Variants in HIPK2 observed in about 807,000 individuals in gnomAD.
The protein encoded by HIPK2 is homeodomain interacting protein kinase 2, also known as homeodomain-interacting protein kinase 2.
A neutral mutation model predicts 113.7 loss-of-function variants in HIPK2; 27 were observed. The observed-to-expected ratio is 0.24, with a 90% confidence interval of 0.17 to 0.33. The LOEUF is 0.33. HIPK2 is among the 10% of genes least tolerant of loss of function. HIPK2 has a pLI of 1.00. For missense variants in HIPK2, 1,257 were observed against 1,588.0 expected, an observed-to-expected ratio of 0.79 and a Z score of 3.54; for synonymous variants, 631 against 642.2, an observed-to-expected ratio of 0.98 and a Z score of 0.26.
chr7:139,700,374 T>C (rs1794674223), intron 2 of HIPK2, among the ~76,000 whole-genome samples: 1 of 152,136 alleles, frequency 6.6e-6, no homozygotes. Flanking sequence ...CCCTACGTGA[T>C]GGGGACAATA....
chr7:139,670,580 TG>T (rs1422099816), intron 2 of HIPK2, among the ~76,000 whole-genome samples: 1 of 147,306 alleles, frequency 6.8e-6, no homozygotes, highest in Non-Finnish European at 1.5e-5. Context: ...GACCCTGTCT[TG>T]AAAAAAAAAA....
intron 7 of HIPK2, among the ~76,000 whole-genome samples, chr7:139,616,914 G>T (rs890724375): frequency 6.6e-6 from 1 of 152,174 alleles, no homozygotes. Flanking sequence ...CTTACAGCCT[G>T]TCTCACCATG....
intron 1 of HIPK2, among the ~76,000 whole-genome samples, chr7:139,735,734 A>T (rs939867598): frequency 6.6e-6 from 1 of 152,216 alleles, no homozygotes; most frequent in African/African-American, 2.4e-5. Context: ...TTTACACACG[A>T]GAGTGCACCC....
At position 139,637,949 on chromosome 7, in the gene HIPK2, C is replaced by T. The variant is rs540916441; in HGVS notation, c.1104-6224G>A. 4.9e-4 allele frequency among the ~76,000 whole-genome samples: 75 copies of T among 152,190 alleles called. 1 individual carries two copies. The highest frequency in any genetic ancestry group is 1.5e-3 in the African/African-American group (62 of 41,518). On this transcript the variant is annotated intron_variant, in intron 2 of 14. Transcript: ENST00000406875. ...GCAGACAGCAGGAGTGCCAAGGACA[C>T]CTACTTGCAGGTGGCCAACAAAAGA...
At chr7:139,713,758 C>T (rs1585409841) in intron 2 of HIPK2, among the ~76,000 whole-genome samples, 1 of 152,214 alleles carries the variant, frequency 6.6e-6, no homozygotes, top group East Asian at 1.9e-4. Context: ...CTTTGGCATG[C>T]TGAATTTACC....
Position 139,572,712 on chromosome 7 carries a change from C to T in HIPK2, c.*215G>A. The stretch of plus-strand genomic sequence containing the variant: ...GTTCTCTTCTCTGCTCTACGTCCTC[C>T]CACTTCCCGGTTCAAGTTTCACTGG... On this transcript the variant is annotated 3_prime_UTR_variant, in exon 15 of 15. Coordinates refer to ENST00000406875, the MANE Select transcript of HIPK2 (RefSeq NM_022740.5). The T allele has an allele frequency of 6.0e-6, 3 of 500,074 alleles. No homozygotes were observed. The highest frequency in any genetic ancestry group is 7.9e-5 in the South Asian group (2 of 25,424). The allele number at this position is 500,074 out of a possible 1,614,324, so 31.0% of individuals were successfully genotyped here.
intron 2 of HIPK2, among the ~76,000 whole-genome samples, chr7:139,651,183 G>C (rs1801445918): frequency 6.6e-6 from 1 of 152,118 alleles, no homozygotes; most frequent in African/African-American, 2.4e-5. Context: ...GCCCTGCCCT[G>C]ATGGGAACCA....
Position 139,568,227 on chromosome 7 carries a change from TG to T in HIPK2, c.*4699del, listed in dbSNP as rs1365771925. 2.6e-5 allele frequency: 4 copies of T among 152,274 alleles called. No homozygotes were observed. The highest frequency in any genetic ancestry group is 4.4e-5 in the Non-Finnish European group (3 of 68,100). 9.4% of individuals were successfully genotyped at this position (152,274 alleles called of 1,614,324 possible). A position where few individuals can be genotyped will look rare whatever the true frequency, so the allele number is the denominator to read the frequency against. On this transcript the variant is annotated 3_prime_UTR_variant, in exon 15 of 15. Coordinates refer to ENST00000406875, the MANE Select transcript of HIPK2 (RefSeq NM_022740.5). Reference sequence around the variant, plus strand: ...TAGGTTGAAGAGGACAAAGGTCAGCTGGCTCCCCCAGCCCGTGAACACCTCA... The same window carrying T: ...TAGGTTGAAGAGGACAAAGGTCAGCTGCTCCCCCAGCCCGTGAACACCTCA...
chr7:139,604,112 T>C lies in HIPK2; in HGVS notation c.2224A>G (p.Met742Val), dbSNP rs1799533404. 3 of 1,613,942 alleles carry C rather than the reference T, an allele frequency of 1.9e-6. No homozygotes were observed. The highest frequency in any genetic ancestry group is 8.5e-7 in the Non-Finnish European group (1 of 1,179,880). The change falls in exon 10 of 15, where the codon ATG becomes GTG. Residue 742 changes from methionine (M) to valine (V), a missense_variant. Physicochemically the swap from Met to Val is conservative, Grantham distance 21 (BLOSUM62 1). This residue lies in a region of HIPK2 where 862 missense variants were observed against 1,004.3 expected (regional missense o/e 0.86). Transcript: ENST00000406875. ...VQHATVIPET[M>V]AGTQQLADWR... is the part of the protein sequence containing the mutation. ...TCCGCCAGCTGCTGGGTGCCTGCCA[T>C]GGTCTCGGGAATCACGGTGGCATGC...
chr7:139,680,068 A>G (rs986413165), intron 2 of HIPK2, among the ~76,000 whole-genome samples: 2 of 152,222 alleles, frequency 1.3e-5, no homozygotes, highest in African/African-American at 4.8e-5. Flanking sequence ...CAGGGGGAGT[A>G]CAGGATTTCC....
intron 1 of HIPK2, among the ~76,000 whole-genome samples, chr7:139,736,656 C>T (rs751062030): frequency 6.6e-6 from 1 of 152,140 alleles, no homozygotes; most frequent in Non-Finnish European, 1.5e-5. Flanking sequence ...AGGATGCTAT[C>T]GAATAACATA....
In HIPK2 at chr7:139,699,135, G is replaced by A. The variant is rs937047575; in HGVS notation, c.1103+16797C>T. Reference sequence around the variant, plus strand: ...CGACGCACAGTAGCTTGGGCAGCAAGAACCGTGAGACAGAGATACTGGAGA... The same window carrying A: ...CGACGCACAGTAGCTTGGGCAGCAAAAACCGTGAGACAGAGATACTGGAGA... On this transcript the variant is annotated intron_variant, in intron 2 of 14. Coordinates refer to ENST00000406875, the MANE Select transcript of HIPK2 (RefSeq NM_022740.5). Among the ~76,000 whole-genome samples the A allele has an allele frequency of 5.3e-5, 8 of 152,202 alleles. No individual in the cohort carries two copies. In the East Asian group the frequency reaches 1.4e-3, roughly 26 times the overall value.
At chr7:139,702,380 G>A (rs1585395735) in intron 2 of HIPK2, among the ~76,000 whole-genome samples, 1 of 152,204 alleles carries the variant, frequency 6.6e-6, no homozygotes, top group East Asian at 1.9e-4. Flanking sequence ...CCCAGCATGT[G>A]GCCTTGGGCC....
At chr7:139,654,538 A>C (rs1285612552) in intron 2 of HIPK2, among the ~76,000 whole-genome samples, 2 of 152,126 alleles carry the variant, frequency 1.3e-5, no homozygotes, top group South Asian at 2.1e-4. Flanking sequence ...AAAAACCCCC[A>C]AAAAACCCCA....
chr7:139,761,073 C>T (rs758487276), intron 1 of HIPK2, among the ~76,000 whole-genome samples: 4 of 152,164 alleles, frequency 2.6e-5, no homozygotes, highest in Non-Finnish European at 5.9e-5. Flanking sequence ...CGTGTTACTA[C>T]GTGAAGTGGT....
At chr7:139,659,000 G>C (rs1801768671) in intron 2 of HIPK2, among the ~76,000 whole-genome samples, 1 of 152,158 alleles carries the variant, frequency 6.6e-6, no homozygotes, top group East Asian at 1.9e-4. Context: ...ATTTCTCCCT[G>C]GGAACCCTAG....
chr7:139,577,140 CTTTTTTTTTTTTT>C (rs966966045), intron 13 of HIPK2, among the ~76,000 whole-genome samples: 4 of 91,434 alleles, frequency 4.4e-5, no homozygotes, highest in African/African-American at 8.6e-5. Context: ...ACTGGGCTTC[CTTTTTTTTTTTTT>C]TTTTTTTTTT....
At chr7:139,697,249 G>A (rs934703024) in intron 2 of HIPK2, among the ~76,000 whole-genome samples, 34 of 152,204 alleles carry the variant, frequency 2.2e-4, no homozygotes, top group African/African-American at 7.0e-4. Context: ...GGGCAACGCC[G>A]AGCTCTGCTT....
intron 1 of HIPK2, among the ~76,000 whole-genome samples, chr7:139,761,611 C>G (rs144371764): frequency 1.4e-3 from 211 of 152,282 alleles, no homozygotes; most frequent in African/African-American, 4.8e-3. Flanking sequence ...GGAGGCAAGA[C>G]CAGCAACTGG....
Sources: gnomAD v4.1 joint callset for allele counts (sites outside exome capture counted in the v4.1 genomes callset) on GRCh38, gnomAD v4.1.1 for gene constraint, gnomAD v4.1.1 regional missense constraint, MANE v1.5 for transcripts, NCBI Gene and HGNC (gene_info 2026-07-23, HGNC 2026-07-21) for gene names.